PADI1: variants seen among roughly 807,000 people sequenced by gnomAD.
PADI1 encodes protein-arginine deiminase type-1.
PADI1 carries 65 observed loss-of-function variants against 74.8 expected under a neutral mutation model. The observed-to-expected ratio is 0.87, with a 90% CI of 0.71 to 1.07. The LOEUF is 1.07. PADI1 is among the 50% of genes least tolerant of loss of function. The probability of loss-of-function intolerance (pLI) is 0.00; values close to 1 mark genes in which losing one functional copy is unlikely to be tolerated. For missense variants in PADI1, 943 were observed against 854.0 expected, an observed-to-expected ratio of 1.10 and a Z score of -1.30; for synonymous variants, 371 against 336.2, an observed-to-expected ratio of 1.10 and a Z score of -1.13.
At chr1:17,229,141 C>T (rs975854716) in intron 8 of PADI1, 90 bp downstream of exon 8, 6 of 796,672 alleles carry the variant, frequency 7.5e-6, no homozygotes, top group Admixed American at 2.3e-5. Context: ...TCACTCACAC[C>T]GACGGATTCA....
intron 11 of PADI1, among the ~76,000 whole-genome samples, chr1:17,233,797 GAGA>G (rs1271242836): frequency 6.6e-6 from 1 of 152,272 alleles, no homozygotes; most frequent in Admixed American, 6.5e-5. Flanking sequence ...AGGCAGTGCT[GAGA>G]AGGTCACAGC....
At chr1:17,221,544 G>A (rs1202015246) in intron 1 of PADI1, among the ~76,000 whole-genome samples, 2 of 151,994 alleles carry the variant, frequency 1.3e-5, no homozygotes, top group Non-Finnish European at 2.9e-5. Context: ...TGGGCAAGGT[G>A]CAGCATTAAA....
chr1:17,228,182 G>T (rs958951609), intron 6 of PADI1, among the ~76,000 whole-genome samples: 1 of 152,054 alleles, frequency 6.6e-6, no homozygotes, highest in Non-Finnish European at 1.5e-5. Context: ...TGTAGAGATG[G>T]GGTCTCCCTA....
chr1:17,211,233 G>T (rs12080690), intron 1 of PADI1, among the ~76,000 whole-genome samples: 1,505 of 149,478 alleles, frequency 0.01, 27 homozygotes, highest in East Asian at 0.055. Context: ...TTTTTGAGAC[G>T]GAGTCTTGCT....
At position 17,223,629 on chromosome 1, in the gene PADI1, C is replaced by G. The variant is rs201237325; in HGVS notation, c.282C>G (p.Val94=). 2 of 1,613,908 alleles carry G rather than the reference C, an allele frequency of 1.2e-6. No homozygotes were observed. Among genetic ancestry groups the G allele is most frequent in the Admixed American group, 1.7e-5 (1 of 60,028 alleles). The change falls in exon 3 of 16, where the codon GTC becomes GTG. Residue 94 remains valine (V), a synonymous_variant. Transcript: ENST00000375471. ...SKELKDFKVR[V]SYFGEQEDQA... is the part of the protein sequence containing the mutation. The stretch of plus-strand genomic sequence containing the variant: ...AGGGCTATGTTCTGCAGGTGAGGGT[C>G]TCCTACTTTGGGGAGCAGGAAGACC...
rs2072870982 is a variant in PADI1 at position 17,245,843 on chromosome 1, T to A, written c.*1600T>A. ...GAAAGAGCTGTGGGTAGGAAGGGAG[T>A]GAGCATTGCAGAGATAGGGCTGGGG... is the stretch of plus-strand genomic sequence containing the variant. On this transcript the variant is annotated 3_prime_UTR_variant, in exon 16 of 16. Transcript: ENST00000375471. This position sits in a 1 kb window ranked among gnomAD's most constrained non-coding sequence, Gnocchi z 4.1. The A allele has an allele frequency of 6.6e-6, 1 of 151,906 alleles. No individual in the cohort carries two copies. Among genetic ancestry groups the A allele is most frequent in the South Asian group, 2.1e-4 (1 of 4,788 alleles). The allele number at this position is 151,906 out of a possible 1,614,324, so 9.4% of individuals were successfully genotyped here.
At chr1:17,217,853 A>G (rs1487170902) in intron 1 of PADI1, among the ~76,000 whole-genome samples, 1 of 152,216 alleles carries the variant, frequency 6.6e-6, no homozygotes, top group East Asian at 1.9e-4. Context: ...AGTGATGGAG[A>G]CAGGTTAACA....
intron 14 of PADI1, chr1:17,240,420 C>A: frequency 2.1e-6 from 1 of 477,084 alleles, no homozygotes; most frequent in East Asian, 3.6e-5. Context: ...GGGTTCGAAC[C>A]CCAGCTTTGG....
rs750779807 is a variant in PADI1, at chr1:17,232,953, C to A, written c.1296C>A (p.Ile432=). 2 of 1,607,516 alleles carry A rather than the reference C, an allele frequency of 1.2e-6. No homozygotes were observed. Among genetic ancestry groups the A allele is most frequent in the Admixed American group, 1.7e-5 (1 of 59,528 alleles). The change falls in exon 11 of 16, where the codon ATC becomes ATA. Residue 432 remains isoleucine, a synonymous_variant. Coordinates refer to ENST00000375471, the MANE Select transcript of PADI1 (RefSeq NM_013358.3). ...GTEYPLGRIL[I]GSSFPKSGGR... is the part of the protein sequence containing the mutation. Reference sequence around the variant, plus strand: ...AATACCCCCTGGGCCGGATCCTCATCGGGAGCAGCTTCCCCAAGTGAGGGG... The same window carrying A: ...AATACCCCCTGGGCCGGATCCTCATAGGGAGCAGCTTCCCCAAGTGAGGGG...
At chr1:17,230,314 G>A (rs1416192717) in intron 9 of PADI1, 106 bp downstream of exon 9, 6 of 1,407,780 alleles carry the variant, frequency 4.3e-6, no homozygotes, top group Non-Finnish European at 5.8e-6. Flanking sequence ...ACGGCAGCCT[G>A]GGCCAGGCCT....
chr1:17,245,665 C>T lies in PADI1; in HGVS notation c.*1422C>T, dbSNP rs542820495. On this transcript the variant is annotated 3_prime_UTR_variant, in exon 16 of 16. Coordinates refer to ENST00000375471, the MANE Select transcript of PADI1 (RefSeq NM_013358.3). This position sits in a 1 kb window ranked among gnomAD's most constrained non-coding sequence, Gnocchi z 4.1. ...GGGTGAGCGGGAACCTGAAAATCCC[C>T]TTCTGGAAGGTTCTACAGAACTCTA... 1 of 152,350 alleles carries T rather than the reference C, an allele frequency of 6.6e-6. No individual in the cohort carries two copies. The highest frequency in any genetic ancestry group is 2.4e-5 in the African/African-American group (1 of 41,576). The allele number at this position is 152,350 out of a possible 1,614,324, so 9.4% of individuals were successfully genotyped here. A position where few individuals can be genotyped will look rare whatever the true frequency, so the allele number is the denominator to read the frequency against.
intron 1 of PADI1, among the ~76,000 whole-genome samples, chr1:17,219,244 A>C (rs1274511880): frequency 1.3e-5 from 2 of 151,808 alleles, no homozygotes; most frequent in African/African-American, 4.8e-5. Flanking sequence ...GCAGCGGGGG[A>C]CTATGGGATC....
chr1:17,240,812 G>C (rs1440415467), intron 15 of PADI1, 52 bp downstream of exon 15: 1 of 1,591,494 alleles, frequency 6.3e-7, no homozygotes, highest in East Asian at 2.2e-5. Context: ...GCTCTGAGAA[G>C]AAGCACTCCC....
At chr1:17,217,797 A>T (rs75727984) in intron 1 of PADI1, among the ~76,000 whole-genome samples, 1 of 152,228 alleles carries the variant, frequency 6.6e-6, no homozygotes, top group South Asian at 2.1e-4. Context: ...CAAGGCTACA[A>T]ATCAGGGCTT....
At chr1:17,223,545 G>C in intron 2 of PADI1, 76 bp from the exon 3 acceptor site, 1 of 1,206,324 alleles carries the variant, frequency 8.3e-7, no homozygotes, top group African/African-American at 1.5e-5. Flanking sequence ...GGGCTGTCAG[G>C]ATGTGTCCCT....
At chr1:17,233,221 C>A (rs576294942) in intron 11 of PADI1, among the ~76,000 whole-genome samples, 28 of 152,262 alleles carry the variant, frequency 1.8e-4, no homozygotes, top group African/African-American at 6.0e-4. Context: ...TAATGAGTCA[C>A]CAACATAAAC....
chr1:17,228,246 G>A (rs921147583), intron 6 of PADI1, among the ~76,000 whole-genome samples: 1 of 152,154 alleles, frequency 6.6e-6, no homozygotes, highest in Non-Finnish European at 1.5e-5. Context: ...CCAAAGTGCT[G>A]GGATTATAGA....
In PADI1 at chr1:17,238,653, T is replaced by C; in HGVS notation, c.1496T>C (p.Leu499Pro). Reference protein sequence around the residue: ...RLLLASPSACLKLFQEKKEEG... With the variant: ...RLLLASPSACPKLFQEKKEEG... ...CTCCTGGCTAGCCCCAGCGCTTGCCTCAAACTCTTCCAAGAGAAGAAAGAA... is the reference window on the plus strand; with the variant it reads ...CTCCTGGCTAGCCCCAGCGCTTGCCCCAAACTCTTCCAAGAGAAGAAAGAA... The change falls in exon 13 of 16, where the codon CTC becomes CCC. Residue 499 changes from leucine to proline, a missense_variant. By Grantham distance (98) the Leu-to-Pro change is moderately conservative. Transcript: ENST00000375471. 1.3e-6 allele frequency: 2 copies of C among 1,554,924 alleles called. No homozygotes were observed. Among genetic ancestry groups the C allele is most frequent in the East Asian group, 2.4e-5 (1 of 41,432 alleles).
chr1:17,213,597 C>A (rs1179146577), intron 1 of PADI1, among the ~76,000 whole-genome samples: 1 of 152,162 alleles, frequency 6.6e-6, no homozygotes, highest in Non-Finnish European at 1.5e-5. Flanking sequence ...CCGTCATTAC[C>A]CTGTGACAAG....
Sources: gnomAD v4.1 joint callset for allele counts (sites outside exome capture counted in the v4.1 genomes callset) on GRCh38, gnomAD v4.1.1 for gene constraint, Gnocchi (gnomAD v3.1) non-coding constraint, MANE v1.5 for transcripts, NCBI Gene and HGNC (gene_info 2026-07-23, HGNC 2026-07-21) for gene names.